XKR6: variants seen among roughly 807,000 people sequenced by gnomAD.
XKR6 encodes XK related 6, also known as XK-related protein 6.
In XKR6, 22 loss-of-function variants were observed where a neutral mutation model predicts 56.7. That is an observed-to-expected ratio of 0.39 (90% CI 0.28 to 0.55). The LOEUF (loss-of-function observed/expected upper bound fraction) is 0.55. XKR6 is among the 20% of genes least tolerant of loss of function. The probability of loss-of-function intolerance (pLI) is 0.66; values close to 1 mark genes in which losing one functional copy is unlikely to be tolerated. For missense variants in XKR6, 852 were observed against 889.0 expected, an observed-to-expected ratio of 0.96 and a Z score of 0.53; for synonymous variants, 524 against 387.8, an observed-to-expected ratio of 1.35 and a Z score of -4.13.
chr8:11,148,784 T>C (rs187023297), intron 1 of XKR6, among the ~76,000 whole-genome samples: 65 of 152,324 alleles, frequency 4.3e-4, no homozygotes, highest in Non-Finnish European at 7.5e-4. Flanking sequence ...CAAGTATCCA[T>C]TAGCAGATGA....
chr8:11,024,636 C>T (rs1280328924), intron 1 of XKR6, among the ~76,000 whole-genome samples: 2 of 152,180 alleles, frequency 1.3e-5, no homozygotes, highest in African/African-American at 2.4e-5. Flanking sequence ...CCCATGAGGC[C>T]GAATCACCCT....
intron 1 of XKR6, among the ~76,000 whole-genome samples, chr8:10,977,991 T>G (rs1802618451): frequency 6.6e-6 from 1 of 152,008 alleles, no homozygotes; most frequent in African/African-American, 2.4e-5. Context: ...AGCTTTCAGG[T>G]TTTTGCTCTT....
At chr8:11,010,284 G>A (rs1398707408) in intron 1 of XKR6, among the ~76,000 whole-genome samples, 10 of 152,100 alleles carry the variant, frequency 6.6e-5, no homozygotes, top group African/African-American at 1.2e-4. Flanking sequence ...ACCTCCCACC[G>A]GGCCCCTCTT....
chr8:11,184,919 A>AT (rs1803189775), intron 1 of XKR6, among the ~76,000 whole-genome samples: 2 of 152,326 alleles, frequency 1.3e-5, no homozygotes, highest in South Asian at 4.1e-4. Flanking sequence ...TTTAGTATAC[A>AT]GCACATCCTC....
At chr8:11,051,105 G>C (rs372803967) in intron 1 of XKR6, among the ~76,000 whole-genome samples, 37 of 152,236 alleles carry the variant, frequency 2.4e-4, no homozygotes, top group East Asian at 1.7e-3. Context: ...CTGATGTCCA[G>C]CTCTCAGCAG....
intron 1 of XKR6, among the ~76,000 whole-genome samples, chr8:11,100,224 C>T (rs1375839944): frequency 6.6e-6 from 1 of 152,004 alleles, no homozygotes. Flanking sequence ...AGCTAATTTT[C>T]CGTATTTTTT....
At chr8:11,188,490 C>G (rs1803388260) in intron 1 of XKR6, among the ~76,000 whole-genome samples, 1 of 152,174 alleles carries the variant, frequency 6.6e-6, no homozygotes, top group Non-Finnish European at 1.5e-5. Flanking sequence ...CTCTTCCCTT[C>G]CAACCCACAG....
intron 1 of XKR6, among the ~76,000 whole-genome samples, chr8:11,003,697 T>C (rs1798298162): frequency 6.6e-6 from 1 of 152,248 alleles, no homozygotes; most frequent in African/African-American, 2.4e-5. Flanking sequence ...ACTGGGATTC[T>C]GGAGCAGGTC....
intron 1 of XKR6, among the ~76,000 whole-genome samples, chr8:10,941,280 G>T (rs1801378600): frequency 6.6e-6 from 1 of 152,146 alleles, no homozygotes; most frequent in South Asian, 2.1e-4. Context: ...TTCCCTGGGG[G>T]CAGGAACAGA....
At chr8:11,157,288 G>T (rs1801568489) in intron 1 of XKR6, among the ~76,000 whole-genome samples, 1 of 152,070 alleles carries the variant, frequency 6.6e-6, no homozygotes, top group South Asian at 2.1e-4. Context: ...GACACAAATG[G>T]AAAAACTGCA....
intron 1 of XKR6, among the ~76,000 whole-genome samples, chr8:11,135,540 A>G (rs1174615274): frequency 6.6e-6 from 1 of 152,196 alleles, no homozygotes; most frequent in Admixed American, 6.5e-5. Context: ...TAGTTGATCT[A>G]TTATCGGTCA....
chr8:11,071,263 A>T (rs1282641553), intron 1 of XKR6, among the ~76,000 whole-genome samples: 1 of 152,034 alleles, frequency 6.6e-6, no homozygotes, highest in Non-Finnish European at 1.5e-5. Context: ...TTTTCAGATG[A>T]AGTTTTGCTA....
At chr8:11,078,281 A>G (rs1353477759) in intron 1 of XKR6, among the ~76,000 whole-genome samples, 2 of 152,178 alleles carry the variant, frequency 1.3e-5, no homozygotes, top group Non-Finnish European at 2.9e-5. Flanking sequence ...TGTCAACTTC[A>G]ATTGGCACCA....
chr8:11,152,165 G>C (rs150751415), intron 1 of XKR6, among the ~76,000 whole-genome samples: 5 of 152,218 alleles, frequency 3.3e-5, no homozygotes, highest in African/African-American at 1.2e-4. Flanking sequence ...GACACTCTTG[G>C]GAATCTTAGG....
At chr8:10,913,108 T>C (rs925935998) in intron 2 of XKR6, among the ~76,000 whole-genome samples, 5 of 151,382 alleles carry the variant, frequency 3.3e-5, no homozygotes, top group Admixed American at 2.0e-4. Context: ...AGAGAGTATA[T>C]ATATAGAGGG....
chr8:10,962,331 G>A (rs1258421391), intron 1 of XKR6, among the ~76,000 whole-genome samples: 2 of 152,136 alleles, frequency 1.3e-5, no homozygotes, highest in Non-Finnish European at 2.9e-5. Flanking sequence ...CCACATTTCT[G>A]AAGCCCCTGA....
At chr8:11,078,070 AG>A (rs1208657513) in intron 1 of XKR6, among the ~76,000 whole-genome samples, 1 of 152,154 alleles carries the variant, frequency 6.6e-6, no homozygotes, top group Non-Finnish European at 1.5e-5. Flanking sequence ...GCGCTGTTAA[AG>A]CCCTCTGGGA....
Position 10,898,159 on chromosome 8 carries a change from C to T in XKR6, c.1719G>A (p.Pro573=), listed in dbSNP as rs747719593. The T allele has an allele frequency of 1.1e-4, 179 of 1,613,904 alleles. No homozygotes were observed. The highest frequency in any genetic ancestry group is 1.6e-4 in the Middle Eastern group (1 of 6,084). The part of the protein sequence containing the change: ...FQVRPMGPPT[P]LGRPYLPEGP... ...CTTCTGGGAGGTAAGGACGCCCCAA[C>T]GGGGTAGGGGGCCCCATGGGTCTCA... The change falls in exon 3 of 3, where the codon CCG becomes CCA. Residue 573 remains proline, a synonymous_variant. Coordinates refer to ENST00000416569, the MANE Select transcript of XKR6 (RefSeq NM_173683.4). This position sits in a 1 kb window ranked among gnomAD's most constrained non-coding sequence, Gnocchi z 6.6.
rs181842818 is a variant in XKR6 at position 11,154,357 on chromosome 8, C to A, written c.764+46219G>T. Among the ~76,000 whole-genome samples, 4 of 152,340 alleles carry A rather than the reference C, an allele frequency of 2.6e-5. No homozygotes were observed. The East Asian group carries it at 7.7e-4, about 29-fold the overall frequency. On this transcript the variant is annotated intron_variant, in intron 1 of 2. Coordinates refer to ENST00000416569, the MANE Select transcript of XKR6 (RefSeq NM_173683.4). ...CTTGGTTGGCAACATTCCGTGCGTA[C>A]GGTCACACATCAGTACCAGGAGGGT...
Sources: gnomAD v4.1 joint callset for allele counts (sites outside exome capture counted in the v4.1 genomes callset) on GRCh38, gnomAD v4.1.1 for gene constraint, Gnocchi (gnomAD v3.1) non-coding constraint, MANE v1.5 for transcripts, NCBI Gene and HGNC (gene_info 2026-07-23, HGNC 2026-07-21) for gene names.